GOSR1: variants seen among roughly 807,000 people sequenced by gnomAD.
GOSR1 encodes the protein 28 kDa Golgi SNARE protein.
Under a neutral mutation model 35.5 loss-of-function variants are expected in GOSR1, and 21 were observed. That is an observed-to-expected ratio of 0.59 (90% CI 0.42 to 0.85). The LOEUF is 0.85. Ranked by LOEUF, GOSR1 falls within the 40% of genes least tolerant of loss-of-function variation. The probability of loss-of-function intolerance (pLI) is 0.00; values close to 1 mark genes in which losing one functional copy is unlikely to be tolerated. For missense variants in GOSR1, 285 were observed against 309.6 expected (o/e 0.92, Z 0.60); for synonymous variants, 94 against 106.6 (o/e 0.88, Z 0.73).
intron 6 of GOSR1, among the ~76,000 whole-genome samples, chr17:30,505,892 A>T (rs1967385055): frequency 6.6e-6 from 1 of 152,068 alleles, no homozygotes; most frequent in Non-Finnish European, 1.5e-5. Flanking sequence ...CTGTACTCGG[A>T]TATCTTAAAA....
intron 6 of GOSR1, among the ~76,000 whole-genome samples, chr17:30,496,707 AAG>A (rs1447236234): frequency 6.6e-6 from 1 of 152,246 alleles, no homozygotes; most frequent in African/African-American, 2.4e-5. Context: ...ATACCTAGCA[AAG>A]AGAAATGGGA....
At chr17:30,516,557 T>A (rs896350484) in intron 7 of GOSR1, among the ~76,000 whole-genome samples, 7 of 152,144 alleles carry the variant, frequency 4.6e-5, no homozygotes, top group African/African-American at 1.7e-4. Flanking sequence ...TAACTGACAG[T>A]TGTGTATCCT....
At chr17:30,477,598 G>C (rs1160097208) in intron 1 of GOSR1, 134 bp downstream of exon 1, 8 of 1,392,390 alleles carry the variant, frequency 5.7e-6, no homozygotes, top group Non-Finnish European at 7.6e-6. Flanking sequence ...GCTTGCCTAA[G>C]TGGGATCCCC....
Position 30,527,398 on chromosome 17 carries a change from A to G in GOSR1, c.*5020A>G, listed in dbSNP as rs912089577. On this transcript the variant is annotated 3_prime_UTR_variant, in exon 9 of 9. Transcript: ENST00000451249. ...ATCGTGTACTGCTGGGCTTTAGTAC[A>G]TTAGTTGTGCAACCAGCCCCACTGT... 2 of 152,332 alleles carry G rather than the reference A, an allele frequency of 1.3e-5. No homozygotes were observed. The highest frequency in any genetic ancestry group is 2.1e-4 in the South Asian group (1 of 4,826). The allele number at this position is 152,332 out of a possible 1,614,324, so 9.4% of individuals were successfully genotyped here.
At chr17:30,502,028 A>G (rs1339911688) in intron 6 of GOSR1, among the ~76,000 whole-genome samples, 2 of 152,258 alleles carry the variant, frequency 1.3e-5, no homozygotes, top group Non-Finnish European at 2.9e-5. Flanking sequence ...TTATTCAGTC[A>G]TACAAAGTAA....
At chr17:30,498,657 A>G in intron 6 of GOSR1, among the ~76,000 whole-genome samples, 1 of 152,296 alleles carries the variant, frequency 6.6e-6, no homozygotes, top group East Asian at 1.9e-4. Context: ...AATCCGTATC[A>G]TTCCTCATAC....
chr17:30,506,757 G>A (rs1967416217), intron 6 of GOSR1, among the ~76,000 whole-genome samples: 1 of 152,254 alleles, frequency 6.6e-6, no homozygotes, highest in African/African-American at 2.4e-5. Context: ...CGAGAAGTCA[G>A]TGCCTGGCTT....
At chr17:30,522,024 T>C (rs1968055799) in intron 8 of GOSR1, among the ~76,000 whole-genome samples, 1 of 152,166 alleles carries the variant, frequency 6.6e-6, no homozygotes, top group Admixed American at 6.5e-5. Context: ...TTACTATTCT[T>C]ATTTGTGTTA....
intron 6 of GOSR1, among the ~76,000 whole-genome samples, chr17:30,501,362 G>A (rs1967198197): frequency 6.6e-6 from 1 of 152,132 alleles, no homozygotes; most frequent in African/African-American, 2.4e-5. Flanking sequence ...TGTTAGAATG[G>A]CTAAAATCCA....
chr17:30,487,374 TG>T (rs370996822), intron 4 of GOSR1, among the ~76,000 whole-genome samples: 45 of 152,278 alleles, frequency 3.0e-4, no homozygotes, highest in African/African-American at 8.7e-4. Flanking sequence ...TTGTAAACTT[TG>T]GAGCAGAAAG....
intron 6 of GOSR1, among the ~76,000 whole-genome samples, chr17:30,502,118 TA>T (rs1271092281): frequency 1.3e-5 from 2 of 152,216 alleles, no homozygotes; most frequent in Non-Finnish European, 2.9e-5. Flanking sequence ...ACATACTGTA[TA>T]ATTTTAACTA....
intron 1 of GOSR1, chr17:30,479,053 G>C (rs1914154319): frequency 6.6e-6 from 1 of 152,178 alleles, no homozygotes; most frequent in Non-Finnish European, 1.5e-5. Flanking sequence ...AAAACAAGAA[G>C]CTGAAGTTCA....
chr17:30,481,601 T>C (rs1914354781), intron 2 of GOSR1, among the ~76,000 whole-genome samples: 1 of 151,932 alleles, frequency 6.6e-6, no homozygotes, highest in Admixed American at 6.5e-5. Flanking sequence ...TGTTTTTCAA[T>C]TGCTAAATGG....
chr17:30,498,520 G>A (rs190209395), intron 6 of GOSR1, among the ~76,000 whole-genome samples: 1 of 152,298 alleles, frequency 6.6e-6, no homozygotes, highest in Admixed American at 6.5e-5. Flanking sequence ...TTCTGAAAGG[G>A]CTTTAGAGAA....
intron 7 of GOSR1, among the ~76,000 whole-genome samples, chr17:30,515,124 G>A (rs929994647): frequency 6.6e-6 from 1 of 151,978 alleles, no homozygotes; most frequent in Non-Finnish European, 1.5e-5. Flanking sequence ...ATTTAAGGGT[G>A]TGACTCCAAA....
At chr17:30,485,676 A>C (rs1424474515) in intron 4 of GOSR1, among the ~76,000 whole-genome samples, 2 of 152,198 alleles carry the variant, frequency 1.3e-5, no homozygotes, top group Admixed American at 1.3e-4. Flanking sequence ...AAATATTTTT[A>C]ATATTGAGAA....
chr17:30,504,701 C>A (rs1363343343), intron 6 of GOSR1, among the ~76,000 whole-genome samples: 1 of 152,142 alleles, frequency 6.6e-6, no homozygotes, highest in Non-Finnish European at 1.5e-5. Context: ...TTACACAGAA[C>A]AAGGATTCTA....
chr17:30,519,792 C>T lies in GOSR1; in HGVS notation c.540-147C>T, dbSNP rs539456406. The T allele has an allele frequency of 1.1e-3, 638 of 592,098 alleles. 3 individuals carry two copies. The highest frequency in any genetic ancestry group is 1.7e-3 in the Non-Finnish European group (579 of 335,130). The allele number at this position is 592,098 out of a possible 1,614,324, so 36.7% of individuals were successfully genotyped here. A position where few individuals can be genotyped will look rare whatever the true frequency, so the allele number is the denominator to read the frequency against. ...AAAAAGCGCAGTGGTAAAGTGGCTTCGGAAGTGATTTTTTCCCCTTATTTT... is the reference window on the plus strand; with the variant it reads ...AAAAAGCGCAGTGGTAAAGTGGCTTTGGAAGTGATTTTTTCCCCTTATTTT... On this transcript the variant is annotated intron_variant, in intron 7 of 8. Transcript: ENST00000451249.
chr17:30,493,747 A>G (rs1172520845), intron 6 of GOSR1, among the ~76,000 whole-genome samples: 1 of 152,210 alleles, frequency 6.6e-6, no homozygotes, highest in Non-Finnish European at 1.5e-5. Context: ...TTTACTCTTC[A>G]GTAGATTGCA....
Sources: gnomAD v4.1 joint callset for allele counts (sites outside exome capture counted in the v4.1 genomes callset) on GRCh38, gnomAD v4.1.1 for gene constraint, MANE v1.5 for transcripts, NCBI Gene and HGNC (gene_info 2026-07-23, HGNC 2026-07-21) for gene names.